Variants in RAI14 observed in about 807,000 individuals in gnomAD.
RAI14 encodes retinoic acid induced 14.
In RAI14, 45 loss-of-function variants were observed where a neutral mutation model predicts 115.4. The observed-to-expected ratio is 0.39, with a 90% CI of 0.31 to 0.50. The LOEUF (loss-of-function observed/expected upper bound fraction) is 0.50. Among genes scored for constraint, RAI14 ranks in the 20% least tolerant of loss-of-function variants. The pLI is 0.85. For missense variants in RAI14, 939 were observed against 1,131.2 expected (o/e 0.83, Z 2.44); for synonymous variants, 371 against 415.4 (o/e 0.89, Z 1.30).
chr5:34,755,341 T>A (rs1183582131), intron 2 of RAI14, among the ~76,000 whole-genome samples: 1 of 152,196 alleles, frequency 6.6e-6, no homozygotes, highest in East Asian at 1.9e-4. Context: ...CTGATGTTGG[T>A]CCAGACACAT....
At position 34,826,360 on chromosome 5, in the gene RAI14, T is replaced by C. The variant is rs750533376; in HGVS notation, c.2680T>C (p.Leu894=). 6.2e-7 allele frequency: 1 copy of C among 1,613,972 alleles called. No individual in the cohort carries two copies. The highest frequency in any genetic ancestry group is 8.5e-7 in the Non-Finnish European group (1 of 1,179,918). The change falls in exon 16 of 18, where the codon TTG becomes CTG. Residue 894 remains leucine (L), a synonymous_variant. Transcript: ENST00000265109. ...INEMSKEVTK[L]KEALNSLSQL... ...TGAGATGTCGAAGGAAGTCACCAAA[T>C]TGAAGGAGGCCTTGAACAGCCTCTC...
intron 4 of RAI14, among the ~76,000 whole-genome samples, chr5:34,798,445 GA>G (rs1312891338): frequency 3.3e-5 from 5 of 150,244 alleles, no homozygotes; most frequent in Admixed American, 1.3e-4. Context: ...CTATCAGAAA[GA>G]AAAAAAATAT....
intron 3 of RAI14, 69 bp from the exon 4 acceptor site, chr5:34,795,870 G>A (rs1297646089): frequency 9.6e-6 from 11 of 1,144,458 alleles, no homozygotes; most frequent in Admixed American, 4.1e-5. Context: ...GGGCGGGGGG[G>A]AAACTCTGTT....
chr5:34,775,183 T>C (rs1750684381), intron 3 of RAI14, among the ~76,000 whole-genome samples: 3 of 151,414 alleles, frequency 2.0e-5, no homozygotes, highest in Admixed American at 6.6e-5. Context: ...TCGAGGAAAC[T>C]CTGTAGGGCG....
chr5:34,778,837 G>A (rs960315035), intron 3 of RAI14, among the ~76,000 whole-genome samples: 3 of 151,418 alleles, frequency 2.0e-5, no homozygotes, highest in African/African-American at 7.3e-5. Context: ...GTCTTTGAAA[G>A]GAAAGCCCAC....
At chr5:34,714,018 G>A (rs573853985) in intron 2 of RAI14, among the ~76,000 whole-genome samples, 1 of 151,406 alleles carries the variant, frequency 6.6e-6, no homozygotes, top group Non-Finnish European at 1.5e-5. Flanking sequence ...TGGCCAGGCT[G>A]GTCTCGAACT....
chr5:34,698,326 C>T (rs572354322), intron 2 of RAI14, among the ~76,000 whole-genome samples: 15 of 151,534 alleles, frequency 9.9e-5, no homozygotes, highest in Admixed American at 9.2e-4. Context: ...AAAGAAACTT[C>T]TCAATAAATG....
intron 2 of RAI14, among the ~76,000 whole-genome samples, chr5:34,723,366 A>G (rs1247250353): frequency 1.3e-5 from 2 of 152,190 alleles, no homozygotes; most frequent in Admixed American, 1.3e-4. Flanking sequence ...GAGACTTCAA[A>G]GAAGAGTTGG....
chr5:34,699,397 GTC>G (rs1360989627), intron 2 of RAI14, among the ~76,000 whole-genome samples: 1 of 152,164 alleles, frequency 6.6e-6, no homozygotes, highest in Non-Finnish European at 1.5e-5. Context: ...AATCAGCCGT[GTC>G]TCTCCCCAGC....
chr5:34,794,385 T>C (rs1375773204), intron 3 of RAI14, among the ~76,000 whole-genome samples: 1 of 152,218 alleles, frequency 6.6e-6, no homozygotes, highest in Non-Finnish European at 1.5e-5. Flanking sequence ...ATCATGCCAC[T>C]GCACTCCAGC....
chr5:34,720,329 T>G (rs1484856945), intron 2 of RAI14, among the ~76,000 whole-genome samples: 1 of 151,912 alleles, frequency 6.6e-6, no homozygotes, highest in Non-Finnish European at 1.5e-5. Flanking sequence ...ATCATTTATA[T>G]GGAGTCAAGT....
chr5:34,718,478 T>C (rs1742260826), intron 2 of RAI14, among the ~76,000 whole-genome samples: 1 of 152,246 alleles, frequency 6.6e-6, no homozygotes, highest in African/African-American at 2.4e-5. Context: ...ATTACAATTA[T>C]CATGGAACTT....
intron 3 of RAI14, among the ~76,000 whole-genome samples, chr5:34,786,427 G>A (rs1752306964): frequency 6.6e-6 from 1 of 152,168 alleles, no homozygotes; most frequent in Non-Finnish European, 1.5e-5. Context: ...TAAGAAGGGG[G>A]TGCAGAAGAG....
intron 2 of RAI14, among the ~76,000 whole-genome samples, chr5:34,738,080 A>G (rs1244741121): frequency 6.6e-6 from 1 of 152,028 alleles, no homozygotes; most frequent in Non-Finnish European, 1.5e-5. Context: ...AGGGCTATGG[A>G]ATTGAGGAAT....
intron 4 of RAI14, among the ~76,000 whole-genome samples, chr5:34,802,085 G>T (rs996832785): frequency 6.6e-6 from 1 of 152,178 alleles, no homozygotes; most frequent in Non-Finnish European, 1.5e-5. Context: ...GAAGTCAGTG[G>T]TTCTGATGAA....
At position 34,749,406 on chromosome 5, in the gene RAI14, C is replaced by T. The variant is rs1746704225; in HGVS notation, c.37-8062C>T. Among the ~76,000 whole-genome samples, 3 of 152,212 alleles carry T rather than the reference C, an allele frequency of 2.0e-5. No homozygotes were observed. In the South Asian group the frequency reaches 6.2e-4, roughly 32 times the overall value. On this transcript the variant is annotated intron_variant, in intron 2 of 17. Coordinates refer to ENST00000265109, the MANE Select transcript of RAI14 (RefSeq NM_015577.3). The stretch of plus-strand genomic sequence containing the variant: ...TGAAAACTCAGAACCTCTTGACTAG[C>T]CAGATGTCTGTGACCACTGAGTTCC...
At chr5:34,830,607 T>G (rs2150319677) in intron 17 of RAI14, 81 bp from the exon 18 acceptor site, 2 of 1,597,410 alleles carry the variant, frequency 1.3e-6, no homozygotes, top group East Asian at 2.3e-5. Context: ...TTCATTGCAG[T>G]CAGCCATCTC....
chr5:34,725,524 CAG>C (rs1325923506), intron 2 of RAI14, among the ~76,000 whole-genome samples: 1 of 151,778 alleles, frequency 6.6e-6, no homozygotes, highest in Non-Finnish European at 1.5e-5. Context: ...AAATACCAGA[CAG>C]AAAATATTTG....
At chr5:34,762,720 G>A (rs903600508) in intron 3 of RAI14, among the ~76,000 whole-genome samples, 1 of 152,172 alleles carries the variant, frequency 6.6e-6, no homozygotes, top group African/African-American at 2.4e-5. Context: ...TGGATGTGAG[G>A]AAGTGGGAGG....
Sources: allele counts gnomAD v4.1 joint callset (sites outside exome capture counted in the v4.1 genomes callset), GRCh38; gene constraint gnomAD v4.1.1; transcripts MANE v1.5; gene names NCBI Gene and HGNC (gene_info 2026-07-23, HGNC 2026-07-21).